Variants in HERC3 observed in about 807,000 individuals in gnomAD.
HERC3 encodes the protein HECT and RLD domain containing E3 ubiquitin protein ligase 3.
Under a neutral mutation model 129.9 loss-of-function variants are expected in HERC3, and 58 were observed. That is an observed-to-expected ratio of 0.45 (90% CI 0.36 to 0.56). HERC3 has a LOEUF of 0.56. Ranked by LOEUF, HERC3 falls within the 20% of genes least tolerant of loss-of-function variation. HERC3 has a pLI of 0.00. For missense variants in HERC3, 835 were observed against 1,244.2 expected (o/e 0.67, Z 4.95); for synonymous variants, 430 against 451.0 (o/e 0.95, Z 0.59).
chr4:88,691,942 A>G (rs1381482284), intron 23 of HERC3, among the ~76,000 whole-genome samples: 1 of 152,252 alleles, frequency 6.6e-6, no homozygotes, highest in Non-Finnish European at 1.5e-5. Context: ...ATTTGCTGGC[A>G]TTGCTGCCCC....
intron 20 of HERC3, among the ~76,000 whole-genome samples, 192 bp downstream of exon 20, chr4:88,680,428 G>A (rs1252496865): frequency 2.0e-5 from 3 of 152,160 alleles, no homozygotes; most frequent in Non-Finnish European, 2.9e-5. Context: ...AGTGCATTTT[G>A]TGAGCCTTCA....
rs1735614694 is a variant in HERC3 at position 88,704,595 on chromosome 4, A to C, written c.2929A>C (p.Lys977Gln). 6.3e-7 allele frequency: 1 copy of C among 1,592,756 alleles called. No individual in the cohort carries two copies. The highest frequency in any genetic ancestry group is 8.6e-7 in the Non-Finnish European group (1 of 1,160,766). The change falls in exon 25 of 26, where the codon AAG becomes CAG. Residue 977 changes from lysine to glutamine, a missense_variant. Coordinates refer to ENST00000402738, the MANE Select transcript of HERC3 (RefSeq NM_014606.3). ...ATTTCATGAGTTTCCATTGGAAAAGAAGAAGAAGTTTCTCTGTAAGTATCA... is the reference window on the plus strand; with the variant it reads ...ATTTCATGAGTTTCCATTGGAAAAGCAGAAGAAGTTTCTCTGTAAGTATCA... ...ETFHEFPLEKKKKFLLFLTGS... is the reference protein window; with the variant it reads ...ETFHEFPLEKQKKFLLFLTGS...
chr4:88,637,646 G>C (rs1265577561), intron 3 of HERC3, among the ~76,000 whole-genome samples: 2 of 152,164 alleles, frequency 1.3e-5, no homozygotes, highest in African/African-American at 4.8e-5. Context: ...CAGAAAGCTA[G>C]AAAGATCTCA....
At chr4:88,652,803 C>T (rs1729436649) in intron 5 of HERC3, 66 bp from the exon 6 acceptor site, 1 of 1,494,450 alleles carries the variant, frequency 6.7e-7, no homozygotes, top group African/African-American at 1.4e-5. Flanking sequence ...ACCCTAATAA[C>T]TAGATTATTT....
At position 88,667,327 on chromosome 4, in the gene HERC3, A is replaced by G. The variant is rs148871958; in HGVS notation, c.1332-50A>G. On this transcript the variant is annotated intron_variant, in intron 12 of 25. Coordinates refer to ENST00000402738, the MANE Select transcript of HERC3 (RefSeq NM_014606.3). ...TTTACTTGTTTATAATTCCTATCAG[A>G]GTGTTTGCTTTTTCTTTTATTATAT... 128 of 929,560 alleles carry G rather than the reference A, an allele frequency of 1.4e-4. No homozygotes were observed. The East Asian group carries it at 3.2e-3, about 23-fold the overall frequency. The allele number at this position is 929,560 out of a possible 1,614,324, so 57.6% of individuals were successfully genotyped here. A position where few individuals can be genotyped will look rare whatever the true frequency, so the allele number is the denominator to read the frequency against.
intron 3 of HERC3, among the ~76,000 whole-genome samples, chr4:88,630,898 G>C (rs1475339831): frequency 6.6e-6 from 1 of 152,130 alleles, no homozygotes; most frequent in East Asian, 1.9e-4. Context: ...AGTCATTGCA[G>C]CTGATCTTAT....
intron 3 of HERC3, among the ~76,000 whole-genome samples, chr4:88,638,343 A>G (rs895663647): frequency 6.6e-6 from 1 of 152,266 alleles, no homozygotes; most frequent in Admixed American, 6.5e-5. Flanking sequence ...AAAATCCTCA[A>G]TAAAATACTG....
intron 3 of HERC3, among the ~76,000 whole-genome samples, chr4:88,620,503 C>A (rs1725397020): frequency 6.6e-6 from 1 of 152,096 alleles, no homozygotes; most frequent in African/African-American, 2.4e-5. Context: ...CAAGAAAACC[C>A]CCATCTACAT....
At chr4:88,617,858 G>A (rs773927258) in intron 3 of HERC3, among the ~76,000 whole-genome samples, 1 of 151,618 alleles carries the variant, frequency 6.6e-6, no homozygotes, top group Non-Finnish European at 1.5e-5. Context: ...GCGACACAGC[G>A]AGACTCCGTC....
chr4:88,549,030 C>T, the HERC3 span, among the ~76,000 whole-genome samples: 1 of 151,982 alleles, frequency 6.6e-6, no homozygotes, highest in African/African-American at 2.4e-5. Context: ...GTTGCTTGTG[C>T]TTTTGGTGTC....
the HERC3 span, among the ~76,000 whole-genome samples, chr4:88,544,557 T>A: frequency 5.3e-5 from 8 of 152,300 alleles, no homozygotes; most frequent in Non-Finnish European, 1.2e-4. Context: ...GACCCAGCGA[T>A]CCCATTACTG....
intron 23 of HERC3, among the ~76,000 whole-genome samples, chr4:88,690,868 C>T (rs899431111): frequency 6.6e-6 from 1 of 152,102 alleles, no homozygotes; most frequent in Non-Finnish European, 1.5e-5. Context: ...ATTGACTCAA[C>T]AGTTGTGGGA....
chr4:88,582,225 TA>T, the HERC3 span, among the ~76,000 whole-genome samples: 49 of 151,844 alleles, frequency 3.2e-4, no homozygotes, highest in African/African-American at 9.7e-5. Flanking sequence ...ATTGAAGCTT[TA>T]AAAAAAATTT....
chr4:88,687,091 C>G lies in HERC3; in HGVS notation c.2575-126C>G, dbSNP rs1161137160. The stretch of plus-strand genomic sequence containing the variant: ...TTCTGACTCAAGTTCTGATTATTCT[C>G]CCACTAATTTTCTGTAATAGTCATG... On this transcript the variant is annotated intron_variant, in intron 22 of 25. Transcript: ENST00000402738. 4 of 698,630 alleles carry G rather than the reference C, an allele frequency of 5.7e-6. No individual in the cohort carries two copies. In the South Asian group the frequency reaches 6.1e-5, roughly 11 times the overall value. The allele number at this position is 698,630 out of a possible 1,614,324, so 43.3% of individuals were successfully genotyped here.
intron 3 of HERC3, among the ~76,000 whole-genome samples, chr4:88,610,765 A>G (rs969083544): frequency 1.3e-5 from 2 of 152,324 alleles, no homozygotes; most frequent in African/African-American, 2.4e-5. Flanking sequence ...TCGCAGAACA[A>G]TGATAGCAAA....
At chr4:88,550,865 C>T in the HERC3 span, among the ~76,000 whole-genome samples, 3 of 151,932 alleles carry the variant, frequency 2.0e-5, no homozygotes, top group Non-Finnish European at 2.9e-5. Flanking sequence ...GGAGGCATCA[C>T]GTTACCTGAC....
the HERC3 span, among the ~76,000 whole-genome samples, chr4:88,547,774 G>C: frequency 6.6e-6 from 1 of 152,142 alleles, no homozygotes; most frequent in African/African-American, 2.4e-5. Context: ...ATGTGCCTCA[G>C]CCTCCTGAGT....
At chr4:88,561,997 T>C in the HERC3 span, among the ~76,000 whole-genome samples, 1 of 152,188 alleles carries the variant, frequency 6.6e-6, no homozygotes, top group Admixed American at 6.5e-5. Flanking sequence ...TTCCATTCTT[T>C]TGGGTATTTA....
the HERC3 span, among the ~76,000 whole-genome samples, chr4:88,552,606 G>T: frequency 6.6e-5 from 10 of 152,150 alleles, no homozygotes; most frequent in African/African-American, 2.4e-4. Flanking sequence ...GATGATGTTA[G>T]CTATGGATTT....
Sources: gnomAD v4.1 joint callset for allele counts (sites outside exome capture counted in the v4.1 genomes callset) on GRCh38, gnomAD v4.1.1 for gene constraint, MANE v1.5 for transcripts, NCBI Gene and HGNC (gene_info 2026-07-23, HGNC 2026-07-21) for gene names.